Variants in LHFPL3 observed in about 807,000 individuals in gnomAD.
LHFPL3 encodes the protein LHFPL tetraspan subfamily member 3 protein.
In LHFPL3, 5 loss-of-function variants were observed where a neutral mutation model predicts 19.3. The ratio of observed to expected loss-of-function variants is 0.26; its 90% CI spans 0.14 to 0.54. The LOEUF (loss-of-function observed/expected upper bound fraction) is 0.54, where lower values mean the gene tolerates loss of function less well. Among genes scored for constraint, LHFPL3 ranks in the 20% least tolerant of loss-of-function variants. LHFPL3 has a pLI of 0.94. For missense variants in LHFPL3, 249 were observed against 307.4 expected (o/e 0.81, Z 1.42); for synonymous variants, 133 against 126.2 (o/e 1.05, Z -0.36).
intron 2 of LHFPL3, among the ~76,000 whole-genome samples, chr7:104,746,962 G>A (rs1192741803): frequency 2.0e-5 from 3 of 152,160 alleles, no homozygotes; most frequent in Non-Finnish European, 2.9e-5. Flanking sequence ...TGAAGATCTG[G>A]AGATTGCTTC....
intron 1 of LHFPL3, among the ~76,000 whole-genome samples, chr7:104,534,022 A>G (rs904738367): frequency 2.6e-5 from 4 of 152,188 alleles, no homozygotes; most frequent in African/African-American, 9.7e-5. Flanking sequence ...TAAGCCATCA[A>G]TGAACATGTC....
chr7:104,650,826 T>C (rs1421025849), intron 1 of LHFPL3, among the ~76,000 whole-genome samples: 3 of 152,070 alleles, frequency 2.0e-5, no homozygotes, highest in African/African-American at 7.2e-5. Flanking sequence ...TAAAGCAAAA[T>C]GGACAACCGC....
chr7:104,824,495 ATTATATATATTATT>A (rs1347268810), intron 2 of LHFPL3, among the ~76,000 whole-genome samples: 46 of 67,286 alleles, frequency 6.8e-4, no homozygotes, highest in South Asian at 9.2e-4. Flanking sequence ...ATAATCTATA[ATTATATATATTATT>A]TTATATATAT....
At chr7:104,822,909 T>C (rs1465838916) in intron 2 of LHFPL3, among the ~76,000 whole-genome samples, 23 of 152,080 alleles carry the variant, frequency 1.5e-4, no homozygotes, top group Admixed American at 1.5e-3. Context: ...TACCAAGAAG[T>C]GCGAGTTTAG....
intron 1 of LHFPL3, among the ~76,000 whole-genome samples, chr7:104,635,752 C>T (rs775476210): frequency 2.6e-5 from 4 of 152,038 alleles, no homozygotes; most frequent in South Asian, 4.1e-4. Context: ...GGGAAAGAGG[C>T]AAAGAGATCT....
chr7:104,892,353 C>A (rs930238778), intron 2 of LHFPL3, among the ~76,000 whole-genome samples: 12 of 152,182 alleles, frequency 7.9e-5, no homozygotes, highest in Admixed American at 3.3e-4. Context: ...GATGTGTGTT[C>A]AGCTCACTGT....
intron 1 of LHFPL3, among the ~76,000 whole-genome samples, chr7:104,606,846 G>A (rs755289142): frequency 1.3e-5 from 2 of 152,160 alleles, no homozygotes; most frequent in Non-Finnish European, 2.9e-5. Context: ...CCATAAAGGT[G>A]TGGAAAATGG....
chr7:104,680,112 A>C (rs1792668254), intron 1 of LHFPL3, among the ~76,000 whole-genome samples: 1 of 152,200 alleles, frequency 6.6e-6, no homozygotes, highest in South Asian at 2.1e-4. Flanking sequence ...TCTTCTTCAG[A>C]GTCGCAGAGA....
chr7:104,573,822 T>A (rs1790275769), intron 1 of LHFPL3, among the ~76,000 whole-genome samples: 1 of 152,240 alleles, frequency 6.6e-6, no homozygotes, highest in African/African-American at 2.4e-5. Flanking sequence ...CTTTGCACAC[T>A]GTATATTGCA....
At position 104,474,795 on chromosome 7, in the gene LHFPL3, A is replaced by G. The variant is rs188155031; in HGVS notation, c.445+145571A>G. 2.2e-4 allele frequency among the ~76,000 whole-genome samples: 34 copies of G among 152,208 alleles called. No homozygotes were observed. In the East Asian group the frequency reaches 5.8e-3, roughly 26 times the overall value. ...AAATAAATACTGAAAAGGCAGAAGA[A>G]GGTGTTATGAAGAGGCTTTATTTCC... On this transcript the variant is annotated intron_variant, in intron 1 of 2. Coordinates refer to ENST00000424859, the MANE Select transcript of LHFPL3 (RefSeq NM_199000.3).
chr7:104,894,504 C>T (rs886213964), intron 2 of LHFPL3: 2 of 152,254 alleles, frequency 1.3e-5, no homozygotes, highest in African/African-American at 2.4e-5. Flanking sequence ...GGGTTCAGTC[C>T]GCTGGCACCT....
chr7:104,550,858 A>G (rs1035231039), intron 1 of LHFPL3, among the ~76,000 whole-genome samples: 2 of 152,236 alleles, frequency 1.3e-5, no homozygotes, highest in African/African-American at 4.8e-5. Context: ...ATAAGAAGTT[A>G]TAGTTGTCCT....
At chr7:104,441,332 A>G (rs1792220109) in intron 1 of LHFPL3, among the ~76,000 whole-genome samples, 3 of 152,148 alleles carry the variant, frequency 2.0e-5, no homozygotes, top group Admixed American at 6.5e-5. Context: ...CAAGCCAAGG[A>G]CAATTTCTGT....
chr7:104,902,916 C>A (rs1020636884), intron 2 of LHFPL3, among the ~76,000 whole-genome samples: 32 of 152,114 alleles, frequency 2.1e-4, no homozygotes, highest in African/African-American at 7.5e-4. Flanking sequence ...TAGGGTCAGG[C>A]CCCAGGCTGT....
chr7:104,520,062 A>G (rs1451060915), intron 1 of LHFPL3, among the ~76,000 whole-genome samples: 3 of 151,854 alleles, frequency 2.0e-5, no homozygotes, highest in East Asian at 1.9e-4. Context: ...TTGCCCATTC[A>G]GTATGATATT....
intron 1 of LHFPL3, among the ~76,000 whole-genome samples, chr7:104,364,439 C>T (rs62486509): frequency 0.078 from 11,857 of 152,270 alleles, 568 homozygotes; most frequent in East Asian, 0.13. Flanking sequence ...AGAAAAATGG[C>T]TTAGTTCAAA....
At chr7:104,532,312 TTCTGTC>T in intron 1 of LHFPL3, among the ~76,000 whole-genome samples, 1 of 131,454 alleles carries the variant, frequency 7.6e-6, no homozygotes, top group Non-Finnish European at 1.6e-5. Context: ...TTCTTTTTCT[TTCTGTC>T]TTTTTTTTTT....
chr7:104,546,702 G>A (rs55882725), intron 1 of LHFPL3, among the ~76,000 whole-genome samples: 77,131 of 152,010 alleles, frequency 0.51, 20,338 homozygotes, highest in Middle Eastern at 0.62. Flanking sequence ...CAATTAATTC[G>A]GGGATCCTCC....
intron 1 of LHFPL3, among the ~76,000 whole-genome samples, chr7:104,635,362 G>A (rs1033161212): frequency 6.6e-6 from 1 of 152,074 alleles, no homozygotes; most frequent in Middle Eastern, 3.2e-3. Context: ...ATGAAGAAAG[G>A]TCTACTCAAA....
Sources: gnomAD v4.1 joint callset for allele counts (sites outside exome capture counted in the v4.1 genomes callset) on GRCh38, gnomAD v4.1.1 for gene constraint, MANE v1.5 for transcripts, NCBI Gene and HGNC (gene_info 2026-07-23, HGNC 2026-07-21) for gene names.